The following ARHGEF37 variants were observed in gnomAD, a reference collection of about 807,000 sequenced individuals.
ARHGEF37 encodes Rho guanine nucleotide exchange factor 37.
In ARHGEF37, 55 loss-of-function variants were observed where a neutral mutation model predicts 71.1. The observed-to-expected ratio is 0.77, with a 90% confidence interval of 0.62 to 0.97. ARHGEF37 has a LOEUF of 0.97. Among genes scored for constraint, ARHGEF37 ranks in the 50% least tolerant of loss-of-function variants. ARHGEF37 has a pLI of 0.00. For synonymous variants in ARHGEF37, 327 were observed against 350.6 expected (o/e 0.93, Z 0.75); for missense variants, 765 against 836.8 (o/e 0.91, Z 1.06).
chr5:149,573,927 A>C (rs1762998786), intron 1 of ARHGEF37, among the ~76,000 whole-genome samples: 1 of 152,230 alleles, frequency 6.6e-6, no homozygotes, highest in African/African-American at 2.4e-5. Flanking sequence ...ATTAACCAGT[A>C]TCCTGTTGAT....
chr5:149,587,305 C>T (rs1323651227), intron 1 of ARHGEF37, among the ~76,000 whole-genome samples: 2 of 152,080 alleles, frequency 1.3e-5, no homozygotes, highest in African/African-American at 4.8e-5. Flanking sequence ...GCATCTAGAT[C>T]GGCCATGTGT....
Position 149,620,392 on chromosome 5 carries a change from C to G in ARHGEF37, c.933C>G (p.Asp311Glu). Residue 311 changes from aspartate (D) to glutamate (E), a missense_variant, in exon 8 of 13, where the codon GAC becomes GAG. Physicochemically the swap from Asp to Glu is conservative, Grantham distance 45. Coordinates refer to ENST00000333677, the MANE Select transcript of ARHGEF37 (RefSeq NM_001001669.3). Reference sequence around the variant, plus strand: ...TCAGGCCGCACGAATACAATCTGGACATCCCCGAGGGGCCTGCAGTGCAGT... The same window carrying G: ...TCAGGCCGCACGAATACAATCTGGAGATCCCCGAGGGGCCTGCAGTGCAGT... ...LYFRPHEYNL[D>E]IPEGPAVQYC... 1.9e-6 allele frequency: 3 copies of G among 1,612,554 alleles called. No homozygotes were observed. The highest frequency in any genetic ancestry group is 2.5e-6 in the Non-Finnish European group (3 of 1,179,340).
chr5:149,606,438 T>A (rs1222436250), intron 3 of ARHGEF37, among the ~76,000 whole-genome samples: 2 of 152,166 alleles, frequency 1.3e-5, no homozygotes, highest in South Asian at 4.1e-4. Context: ...GGCCACCAGC[T>A]GATGTGTCCC....
chr5:149,555,471 A>AT lies in ARHGEF37; in HGVS notation c.-12+3364dup, dbSNP rs11349933. On this transcript the variant is annotated intron_variant, in intron 1 of 2. Coordinates refer to the ARHGEF37 transcript ENST00000505810. Reference sequence around the variant, plus strand: ...AGGCAGGCACCACCATGCCTGGCTAATTTTTTTTTTTTTTTTAACTTTTTG... The same window carrying AT: ...AGGCAGGCACCACCATGCCTGGCTAATTTTTTTTTTTTTTTTTAACTTTTTG... Among the ~76,000 whole-genome samples the AT allele has an allele frequency of 3.2e-3, 461 of 145,660 alleles. 1 individual carries two copies. Among genetic ancestry groups the AT allele is most frequent in the Middle Eastern group, 0.014 (4 of 280 alleles).
intron 1 of ARHGEF37, among the ~76,000 whole-genome samples, chr5:149,571,221 C>G (rs4443410): frequency 0.35 from 52,487 of 151,932 alleles, 10,396 homozygotes; most frequent in African/African-American, 0.55. Flanking sequence ...GGATTACAGG[C>G]ATGAGCCACC....
At chr5:149,574,082 G>A (rs1244073848) in intron 1 of ARHGEF37, among the ~76,000 whole-genome samples, 1 of 152,154 alleles carries the variant, frequency 6.6e-6, no homozygotes, top group East Asian at 1.9e-4. Flanking sequence ...GTATCAACTT[G>A]CACCCTTATA....
chr5:149,559,296 G>A (rs187481563), intron 1 of ARHGEF37, among the ~76,000 whole-genome samples: 2 of 152,286 alleles, frequency 1.3e-5, no homozygotes, highest in African/African-American at 4.8e-5. Context: ...ACTCCAGCCT[G>A]GGCGACAGAA....
intron 1 of ARHGEF37, among the ~76,000 whole-genome samples, chr5:149,552,605 G>A (rs10069731): frequency 6.6e-6 from 1 of 151,890 alleles, no homozygotes; most frequent in Non-Finnish European, 1.5e-5. Context: ...CGGGAGGCCG[G>A]GGCGGGCAGA....
At chr5:149,582,539 A>T (rs1037358186) in intron 1 of ARHGEF37, among the ~76,000 whole-genome samples, 1 of 152,216 alleles carries the variant, frequency 6.6e-6, no homozygotes, top group African/African-American at 2.4e-5. Context: ...AAGAATGAAC[A>T]TAAAGGCTAG....
At position 149,616,648 on chromosome 5, in the gene ARHGEF37, G is replaced by A. The variant is rs1198043836; in HGVS notation, c.540G>A (p.Gln180=). The change falls in exon 5 of 13, where the codon CAG becomes CAA. Residue 180 remains glutamine (Q), a synonymous_variant. Transcript: ENST00000333677. ...TCACCAGGTACCCACTGCTGCTGCAGAAAATCCTGGAGAACACAGTCCCTG... is the reference window on the plus strand; with the variant it reads ...TCACCAGGTACCCACTGCTGCTGCAAAAAATCCTGGAGAACACAGTCCCTG... The part of the protein sequence containing the change: ...QRITRYPLLL[Q]KILENTVPDA... 6.2e-7 allele frequency: 1 copy of A among 1,613,610 alleles called. No homozygotes were observed. Among genetic ancestry groups the A allele is most frequent in the Non-Finnish European group, 8.5e-7 (1 of 1,179,872 alleles).
chr5:149,612,409 C>T (rs1054020796), intron 4 of ARHGEF37, among the ~76,000 whole-genome samples: 5 of 152,190 alleles, frequency 3.3e-5, no homozygotes, highest in African/African-American at 9.7e-5. Context: ...CCTCGTGATC[C>T]GCCCACCTCG....
intron 1 of ARHGEF37, among the ~76,000 whole-genome samples, chr5:149,595,337 G>C (rs1443758182): frequency 2.0e-5 from 3 of 151,638 alleles, no homozygotes; most frequent in Non-Finnish European, 4.4e-5. Flanking sequence ...CATCATGCCT[G>C]ACTAATTACA....
chr5:149,617,107 T>C lies in ARHGEF37; in HGVS notation c.658+341T>C, dbSNP rs545725096. Among the ~76,000 whole-genome samples, 3 of 152,286 alleles carry C rather than the reference T, an allele frequency of 2.0e-5. No individual in the cohort carries two copies. In the South Asian group the frequency reaches 6.2e-4, roughly 32 times the overall value. ...GCCACAAAAATTAAGTCAAAGTTTCTCTTTGATAGGACCCACCTGGGTCAT... is the reference window on the plus strand; with the variant it reads ...GCCACAAAAATTAAGTCAAAGTTTCCCTTTGATAGGACCCACCTGGGTCAT... On this transcript the variant is annotated intron_variant, in intron 5 of 12. Coordinates refer to ENST00000333677, the MANE Select transcript of ARHGEF37 (RefSeq NM_001001669.3).
intron 2 of ARHGEF37, among the ~76,000 whole-genome samples, chr5:149,598,263 CTCTTCTTCTTCTTCTTCT>C (rs70973531): frequency 2.1e-3 from 144 of 67,760 alleles, no homozygotes; most frequent in East Asian, 9.6e-3. Flanking sequence ...CTTAAACTGA[CTCTTCTTCTTCTTCTTCT>C]TCTTCTTCTT....
At chr5:149,580,962 T>C (rs1221786007), upstream of ARHGEF37, among the ~76,000 whole-genome samples, 1 of 152,218 alleles carries the variant, frequency 6.6e-6, no homozygotes. Context: ...TTGTGTTCTC[T>C]GTGCCCAGAA....
chr5:149,591,311 G>A (rs1763399007), intron 1 of ARHGEF37, among the ~76,000 whole-genome samples: 1 of 152,020 alleles, frequency 6.6e-6, no homozygotes, highest in Admixed American at 6.6e-5. Flanking sequence ...TCAGACTCCT[G>A]AGCTCAGTCA....
At chr5:149,600,992 C>A in intron 2 of ARHGEF37, 116 bp from the exon 3 acceptor site, 2 of 1,234,700 alleles carry the variant, frequency 1.6e-6, no homozygotes, top group Non-Finnish European at 1.1e-6. Context: ...ACTGGGGCAG[C>A]CAATCTTCTC....
rs1252390321 is a variant in ARHGEF37 at position 149,632,781 on chromosome 5, C to T, written c.*590C>T. The T allele has an allele frequency of 3.8e-5, 6 of 155,918 alleles. No homozygotes were observed. The highest frequency in any genetic ancestry group is 1.2e-4 in the Admixed American group (2 of 16,182). 9.7% of individuals were successfully genotyped at this position (155,918 alleles called of 1,614,324 possible). ...TTTATCGGTGTAGCAGAGAGGTTCCCAAGACTCTTGACTGGTCCTGGGAGT... is the reference window on the plus strand; with the variant it reads ...TTTATCGGTGTAGCAGAGAGGTTCCTAAGACTCTTGACTGGTCCTGGGAGT... On this transcript the variant is annotated 3_prime_UTR_variant, in exon 13 of 13. Transcript: ENST00000333677.
At position 149,609,689 on chromosome 5, in the gene ARHGEF37, C is replaced by G. The variant is rs367808249; in HGVS notation, c.452C>G (p.Ala151Gly). The part of the protein sequence containing the change: ...LQRHIQGIVE[A>G]VVPQAGSSGL... Reference sequence around the variant, plus strand: ...CGGCACATCCAGGGCATCGTTGAGGCGGTGGTGTGAGTAGAACGGCCAGTG... The same window carrying G: ...CGGCACATCCAGGGCATCGTTGAGGGGGTGGTGTGAGTAGAACGGCCAGTG... Residue 151 changes from alanine to glycine, a missense_variant, in exon 4 of 13, where the codon GCG becomes GGG. Transcript: ENST00000333677. 6.2e-7 allele frequency: 1 copy of G among 1,612,170 alleles called. No individual in the cohort carries two copies. Among genetic ancestry groups the G allele is most frequent in the Non-Finnish European group, 8.5e-7 (1 of 1,180,024 alleles).
Sources: gnomAD v4.1 joint callset for allele counts (sites outside exome capture counted in the v4.1 genomes callset) on GRCh38, gnomAD v4.1.1 for gene constraint, MANE v1.5 for transcripts, NCBI Gene and HGNC (gene_info 2026-07-23, HGNC 2026-07-21) for gene names.